Variants in ARAP1 observed in about 807,000 individuals in gnomAD.
ARAP1 encodes ArfGAP with RhoGAP domain, ankyrin repeat and PH domain 1, also known as arf-GAP with Rho-GAP domain, ANK repeat and PH domain-containing protein 1.
In ARAP1, 76 loss-of-function variants were observed where a neutral mutation model predicts 172.2. That is an observed-to-expected ratio of 0.44 (90% CI 0.37 to 0.53). The LOEUF is 0.53. Among genes scored for constraint, ARAP1 ranks in the 20% least tolerant of loss-of-function variants. ARAP1 has a pLI of 0.00. For missense variants in ARAP1, 1,686 were observed against 1,977.5 expected, an observed-to-expected ratio of 0.85 and a Z score of 2.80; for synonymous variants, 804 against 803.3, an observed-to-expected ratio of 1.00 and a Z score of -0.01.
At position 72,693,154 on chromosome 11, in the gene ARAP1, G is replaced by A. The variant is rs76846630; in HGVS notation, c.3954+171C>T. On this transcript the variant is annotated intron_variant, in intron 29 of 34. Coordinates refer to ENST00000393609, the MANE Select transcript of ARAP1 (RefSeq NM_001040118.3). This position sits in a 1 kb window ranked among gnomAD's most constrained non-coding sequence, Gnocchi z 4.6. ...GGCTACAGGGCACACTAGAGTGGCC[G>A]TCCAGGGCCACAGCAGGAGGGGTCT... 1.3e-3 allele frequency: 1,420 copies of A among 1,076,230 alleles called. 13 individuals are homozygous for A. The African/African-American group carries it at 0.02, about 15-fold the overall frequency. 66.7% of individuals were successfully genotyped at this position (1,076,230 alleles called of 1,614,324 possible).
intron 1 of ARAP1, among the ~76,000 whole-genome samples, chr11:72,749,799 A>G (rs1248720798): frequency 6.6e-6 from 1 of 151,874 alleles, no homozygotes; most frequent in Admixed American, 6.5e-5. Flanking sequence ...GGAGAATGGC[A>G]TGAACCCAGA....
chr11:72,707,037 G>T, intron 12 of ARAP1, 138 bp downstream of exon 12: 1 of 903,556 alleles, frequency 1.1e-6, no homozygotes, highest in Non-Finnish European at 1.6e-6. Context: ...AATCACAGGT[G>T]TGCAGGAGAA....
Position 72,699,903 on chromosome 11 carries a change from C to A in ARAP1, c.2303-351G>T. On this transcript the variant is annotated intron_variant, in intron 16 of 34. Transcript: ENST00000393609. This position sits in a 1 kb window ranked among gnomAD's most constrained non-coding sequence, Gnocchi z 4.2. ...GGTCTACCCCTGCCCGTCTCTCCAG[C>A]TGCCTCTCTGTCACTCCTGGACACA... 3.1e-6 allele frequency: 1 copy of A among 327,830 alleles called. No homozygotes were observed. The highest frequency in any genetic ancestry group is 3.5e-5 in the South Asian group (1 of 28,410). 20.3% of individuals were successfully genotyped at this position (327,830 alleles called of 1,614,324 possible).
intron 33 of ARAP1, among the ~76,000 whole-genome samples, chr11:72,686,612 A>G (rs1173422583): frequency 6.6e-6 from 1 of 152,118 alleles, no homozygotes. Context: ...CTAAACACAT[A>G]TGAGCTCTCA....
intron 30 of ARAP1, among the ~76,000 whole-genome samples, chr11:72,690,322 T>G (rs1855886060): frequency 1.3e-5 from 2 of 152,120 alleles, no homozygotes; most frequent in African/African-American, 4.8e-5. Context: ...GGGTCTGATG[T>G]GCATGACATG....
At position 72,707,167 on chromosome 11, in the gene ARAP1, G is replaced by A. The variant is rs753779902; in HGVS notation, c.1723+8C>T. The A allele has an allele frequency of 6.4e-7, 1 of 1,571,032 alleles. No individual in the cohort carries two copies. The highest frequency in any genetic ancestry group is 1.8e-5 in the Admixed American group (1 of 54,744). On this transcript the variant is annotated splice_region_variant and intron_variant, in intron 12 of 34. Coordinates refer to ENST00000393609, the MANE Select transcript of ARAP1 (RefSeq NM_001040118.3). ...CTCTGCCTGGTGCCCCGACCCCCAT[G>A]CACACACCTGCACAGCGCTTGCAGA... is the stretch of plus-strand genomic sequence containing the variant.
intron 3 of ARAP1, among the ~76,000 whole-genome samples, chr11:72,718,097 G>T (rs538166550): frequency 6.6e-6 from 1 of 152,336 alleles, no homozygotes; most frequent in African/African-American, 2.4e-5. Context: ...GGGCCTCTCG[G>T]AAGCATCTGG....
intron 34 of ARAP1, 69 bp downstream of exon 34, chr11:72,685,973 T>A: frequency 6.2e-7 from 1 of 1,612,008 alleles, no homozygotes; most frequent in Non-Finnish European, 8.5e-7. Flanking sequence ...AATCATCTAC[T>A]GTGGAGTAGA....
chr11:72,737,168 TGTATCCTGGA>T (rs1183088123), intron 1 of ARAP1, among the ~76,000 whole-genome samples: 1 of 152,154 alleles, frequency 6.6e-6, no homozygotes, highest in Non-Finnish European at 1.5e-5. Context: ...CAATCCCCCA[TGTATCCTGGA>T]GTATCCTGAG....
Position 72,726,995 on chromosome 11 carries a change from C to A in ARAP1, c.134G>T (p.Arg45Leu). 6.2e-7 allele frequency: 1 copy of A among 1,605,520 alleles called. No individual in the cohort carries two copies. Among genetic ancestry groups the A allele is most frequent in the Non-Finnish European group, 8.5e-7 (1 of 1,176,342 alleles). The change falls in exon 3 of 35, where the codon CGC becomes CTC. Residue 45 changes from arginine to leucine, a missense_variant. Arg to Leu is a moderately radical substitution (Grantham distance 102). Around this residue, in one of 5 missense-constraint regions of ARAP1, gnomAD observed 190 missense variants for 228.6 expected, o/e 0.83. Coordinates refer to ENST00000393609, the MANE Select transcript of ARAP1 (RefSeq NM_001040118.3). This position sits in a 1 kb window ranked among gnomAD's most constrained non-coding sequence, Gnocchi z 6.5. ...GAGTAGCATGCCCATGTCCATCAGG[C>A]GGGTGTCGCTGAGGCCTTGGCACTC... ...ATECQGLSDTRLMDMGMLLPG... is the reference protein window; with the variant it reads ...ATECQGLSDTLLMDMGMLLPG...
chr11:72,686,598 T>C (rs1378616373), intron 33 of ARAP1, among the ~76,000 whole-genome samples: 1 of 152,178 alleles, frequency 6.6e-6, no homozygotes, highest in Non-Finnish European at 1.5e-5. Context: ...TTGTCTCCCT[T>C]TCCCTAAACA....
At position 72,695,006 on chromosome 11, in the gene ARAP1, A is replaced by G; in HGVS notation, c.3668T>C (p.Phe1223Ser). ...GIREKDYWTCFEVNEREEAER... is the reference protein window; with the variant it reads ...GIREKDYWTCSEVNEREEAER... Reference sequence around the variant, plus strand: ...TGCCTCCTCCCTCTCGTTGACCTCAAAGCAGGTCCAATAGTCCTTCTCCCT... The same window carrying G: ...TGCCTCCTCCCTCTCGTTGACCTCAGAGCAGGTCCAATAGTCCTTCTCCCT... Residue 1223 changes from phenylalanine (F) to serine (S), a missense_variant, in exon 27 of 35, where the codon TTT becomes TCT. By Grantham distance (155) the Phe-to-Ser change is radical. This residue lies in a region of ARAP1 where 379 missense variants were observed against 500.1 expected (regional missense o/e 0.76). Transcript: ENST00000393609. This position sits in a 1 kb window ranked among gnomAD's most constrained non-coding sequence, Gnocchi z 4.4. The G allele has an allele frequency of 6.2e-7, 1 of 1,614,074 alleles. No individual in the cohort carries two copies. The highest frequency in any genetic ancestry group is 8.5e-7 in the Non-Finnish European group (1 of 1,179,992).
chr11:72,709,594 A>T (rs954272536), intron 11 of ARAP1, among the ~76,000 whole-genome samples: 2 of 151,670 alleles, frequency 1.3e-5, no homozygotes, highest in Non-Finnish European at 2.9e-5. Context: ...GGGCAGGGGC[A>T]GTGGGAGCAG....
chr11:72,735,271 C>T (rs1052206774), intron 1 of ARAP1, among the ~76,000 whole-genome samples: 1 of 152,024 alleles, frequency 6.6e-6, no homozygotes, highest in Non-Finnish European at 1.5e-5. Context: ...CGTGAGCCAC[C>T]AGCCTTTGGC....
chr11:72,690,786 C>T (rs1472117029), intron 30 of ARAP1, among the ~76,000 whole-genome samples: 2 of 152,198 alleles, frequency 1.3e-5, no homozygotes, highest in African/African-American at 4.8e-5. Context: ...TCTGCTGGAA[C>T]CAAGATCTTT....
rs1437294420 is a variant in ARAP1, at chr11:72,695,692, C to G, written c.3420+26G>C. 6.2e-7 allele frequency: 1 copy of G among 1,614,098 alleles called. No individual in the cohort carries two copies. The highest frequency in any genetic ancestry group is 8.5e-7 in the Non-Finnish European group (1 of 1,179,972). ...CATCTGCAAGGATCACCCCTGCCCT[C>G]CACTGCCCACTGGCCAGGGACGCAC... On this transcript the variant is annotated intron_variant, in intron 24 of 34. Transcript: ENST00000393609. The surrounding 1 kb of genome is among the most constrained non-coding windows in gnomAD (Gnocchi z 4.4).
chr11:72,721,126 A>G (rs1857490145), intron 3 of ARAP1, among the ~76,000 whole-genome samples: 2 of 152,150 alleles, frequency 1.3e-5, no homozygotes, highest in Non-Finnish European at 2.9e-5. Context: ...GCTGGGCCCT[A>G]TGGAAAAGAT....
intron 1 of ARAP1, among the ~76,000 whole-genome samples, chr11:72,745,911 C>A (rs982670712): frequency 9.9e-5 from 15 of 152,266 alleles, no homozygotes; most frequent in Non-Finnish European, 2.2e-4. Flanking sequence ...CCAGACAGCA[C>A]GGGAAACAGC....
rs1332132827 is a variant in ARAP1, at chr11:72,705,910, C to T, written c.1724-20G>A. ...GCTCCCCTGTAGACACAGGGCCAGACCCAGAATCACCTGGGCCCCCCCTTC... is the reference window on the plus strand; with the variant it reads ...GCTCCCCTGTAGACACAGGGCCAGATCCAGAATCACCTGGGCCCCCCCTTC... On this transcript the variant is annotated intron_variant, in intron 12 of 34. Coordinates refer to ENST00000393609, the MANE Select transcript of ARAP1 (RefSeq NM_001040118.3). 6.2e-7 allele frequency: 1 copy of T among 1,612,676 alleles called. No homozygotes were observed. The highest frequency in any genetic ancestry group is 8.5e-7 in the Non-Finnish European group (1 of 1,179,184).
Sources: gnomAD v4.1 joint callset for allele counts (sites outside exome capture counted in the v4.1 genomes callset) on GRCh38, gnomAD v4.1.1 for gene constraint, gnomAD v4.1.1 regional missense constraint, Gnocchi (gnomAD v3.1) non-coding constraint, MANE v1.5 for transcripts, NCBI Gene and HGNC (gene_info 2026-07-23, HGNC 2026-07-21) for gene names.